CDH4: variants seen among roughly 807,000 people sequenced by gnomAD.
CDH4 encodes cadherin 4, also known as cadherin-4.
A neutral mutation model predicts 86.0 loss-of-function variants in CDH4; 33 were observed. The ratio of observed to expected loss-of-function variants is 0.38; its 90% CI spans 0.29 to 0.51. The LOEUF (loss-of-function observed/expected upper bound fraction) is 0.51, where lower values mean the gene tolerates loss of function less well. Among genes scored for constraint, CDH4 ranks in the 20% least tolerant of loss-of-function variants. CDH4 has a pLI of 0.86. For missense variants in CDH4, 1,114 were observed against 1,307.4 expected (o/e 0.85, Z 2.28); for synonymous variants, 555 against 549.4 (o/e 1.01, Z -0.14).
chr20:61,590,711 C>T lies in CDH4; in HGVS notation c.170-152852C>T, dbSNP rs537416809. On this transcript the variant is annotated intron_variant, in intron 2 of 15. Coordinates refer to ENST00000614565, the MANE Select transcript of CDH4 (RefSeq NM_001794.5). ...GAGCCCACGTTTGGCTCAGTGGGCCCGAGTCAGAGACGGGACTGCAGTTAT... is the reference window on the plus strand; with the variant it reads ...GAGCCCACGTTTGGCTCAGTGGGCCTGAGTCAGAGACGGGACTGCAGTTAT... Among the ~76,000 whole-genome samples, 6 of 152,066 alleles carry T rather than the reference C, an allele frequency of 3.9e-5. No homozygotes were observed. The South Asian group carries it at 1.0e-3, about 26-fold the overall frequency.
At chr20:61,512,743 C>T (rs562256227) in intron 2 of CDH4, among the ~76,000 whole-genome samples, 168 of 152,314 alleles carry the variant, frequency 1.1e-3, no homozygotes, top group African/African-American at 3.5e-3. Flanking sequence ...TGGGGGCCGC[C>T]GCTGATGACA....
chr20:61,477,436 G>C (rs147620216), intron 2 of CDH4, among the ~76,000 whole-genome samples: 3 of 152,228 alleles, frequency 2.0e-5, no homozygotes, highest in Admixed American at 2.0e-4. Flanking sequence ...CCGTGTACAG[G>C]GAGCAGAGGA....
intron 2 of CDH4, among the ~76,000 whole-genome samples, chr20:61,522,278 AC>A (rs1268943965): frequency 6.7e-6 from 1 of 150,272 alleles, no homozygotes; most frequent in Non-Finnish European, 1.5e-5. Context: ...CGGATCGGGA[AC>A]CCCCCAAGCC....
At chr20:61,760,598 G>A (rs1299589050) in intron 3 of CDH4, among the ~76,000 whole-genome samples, 1 of 148,438 alleles carries the variant, frequency 6.7e-6, no homozygotes, top group Admixed American at 6.7e-5. Flanking sequence ...CATCCTGGGG[G>A]CACTGAGCCC....
chr20:61,756,673 G>A (rs2088568983), intron 3 of CDH4, among the ~76,000 whole-genome samples: 1 of 151,986 alleles, frequency 6.6e-6, no homozygotes, highest in Non-Finnish European at 1.5e-5. Flanking sequence ...AGTGAGGCTG[G>A]CATTGCAGGG....
At chr20:61,817,285 G>A (rs917906530) in intron 4 of CDH4, among the ~76,000 whole-genome samples, 7 of 152,160 alleles carry the variant, frequency 4.6e-5, no homozygotes, top group Non-Finnish European at 8.8e-5. Flanking sequence ...ACCGGGCCCA[G>A]CCCCGCTAGG....
At chr20:61,702,009 A>G (rs2087781885) in intron 2 of CDH4, among the ~76,000 whole-genome samples, 1 of 152,204 alleles carries the variant, frequency 6.6e-6, no homozygotes, top group African/African-American at 2.4e-5. Context: ...GGAAGAGCCT[A>G]GACCTCACGG....
At chr20:61,764,295 C>A (rs73915387) in intron 3 of CDH4, among the ~76,000 whole-genome samples, 3,022 of 152,364 alleles carry the variant, frequency 0.02, 106 homozygotes, top group African/African-American at 0.069. Flanking sequence ...GGGCCACCGA[C>A]TTCCAGTCGA....
chr20:61,628,685 G>A (rs2086855030), intron 2 of CDH4, among the ~76,000 whole-genome samples: 1 of 152,214 alleles, frequency 6.6e-6, no homozygotes, highest in African/African-American at 2.4e-5. Flanking sequence ...CAGCGGGTCT[G>A]TTGAATGCAG....
In CDH4 at chr20:61,490,793, C is replaced by T. The variant is rs368017619; in HGVS notation, c.169+235856C>T. 2.5e-4 allele frequency among the ~76,000 whole-genome samples: 38 copies of T among 152,204 alleles called. No homozygotes were observed. In the East Asian group the frequency reaches 6.4e-3, roughly 26 times the overall value. On this transcript the variant is annotated intron_variant, in intron 2 of 15. Coordinates refer to ENST00000614565, the MANE Select transcript of CDH4 (RefSeq NM_001794.5). ...CTGAGCAGGCCCTGCTCACAGCACA[C>T]GGCTGTCTAATTGTCATGTGATGAA... is the stretch of plus-strand genomic sequence containing the variant.
At chr20:61,693,273 T>C (rs8113912) in intron 2 of CDH4, among the ~76,000 whole-genome samples, 1,618 of 146,998 alleles carry the variant, frequency 0.011, 39 homozygotes, top group African/African-American at 0.038. Flanking sequence ...GGCCTGTTCC[T>C]GGGCTGTGCT....
chr20:61,364,191 A>T (rs1244115376), intron 2 of CDH4, among the ~76,000 whole-genome samples: 2 of 152,084 alleles, frequency 1.3e-5, no homozygotes, highest in African/African-American at 2.4e-5. Flanking sequence ...ATCCAGTAGG[A>T]GCTGAGGATT....
At chr20:61,633,255 ATTCATCTG>A (rs1264102326) in intron 2 of CDH4, among the ~76,000 whole-genome samples, 4 of 150,530 alleles carry the variant, frequency 2.7e-5, no homozygotes, top group Non-Finnish European at 4.4e-5. Flanking sequence ...CCATCTATTT[ATTCATCTG>A]TCCATCTACC....
intron 2 of CDH4, among the ~76,000 whole-genome samples, chr20:61,613,131 A>G (rs891112524): frequency 2.6e-5 from 4 of 151,840 alleles, no homozygotes; most frequent in African/African-American, 7.3e-5. Context: ...CACCTCCACA[A>G]GTTTCCTCGG....
chr20:61,723,274 C>A (rs371183025), intron 2 of CDH4, among the ~76,000 whole-genome samples: 8 of 152,204 alleles, frequency 5.3e-5, no homozygotes, highest in Non-Finnish European at 1.2e-4. Context: ...CCAAGGGCAG[C>A]CTCACTGGGT....
At chr20:61,375,324 G>C (rs1461508023) in intron 2 of CDH4, among the ~76,000 whole-genome samples, 1 of 152,142 alleles carries the variant, frequency 6.6e-6, no homozygotes, top group African/African-American at 2.4e-5. Flanking sequence ...GGTGATGGTG[G>C]TGACAGTGGG....
intron 2 of CDH4, among the ~76,000 whole-genome samples, chr20:61,618,130 A>G (rs1008468625): frequency 2.0e-4 from 31 of 152,140 alleles, no homozygotes; most frequent in African/African-American, 7.2e-4. Flanking sequence ...CTTTATCAGC[A>G]GCCGTGAGAA....
At chr20:61,382,976 CA>C (rs1459238594) in intron 2 of CDH4, among the ~76,000 whole-genome samples, 2 of 147,970 alleles carry the variant, frequency 1.4e-5, no homozygotes, top group African/African-American at 2.5e-5. Context: ...GGTACACAGA[CA>C]AAAAAAACCA....
intron 2 of CDH4, among the ~76,000 whole-genome samples, chr20:61,654,420 AGGGAGAGGGAGACCGTG>A (rs1395147351): frequency 6.6e-6 from 1 of 152,050 alleles, no homozygotes; most frequent in East Asian, 1.9e-4. Context: ...CCGTGGAAAG[AGGGAGAGGGAGACCGTG>A]GGGAGAGGGA....
Sources: gnomAD v4.1 joint callset for allele counts (sites outside exome capture counted in the v4.1 genomes callset) on GRCh38, gnomAD v4.1.1 for gene constraint, MANE v1.5 for transcripts, NCBI Gene and HGNC (gene_info 2026-07-23, HGNC 2026-07-21) for gene names.